The following ANK2 variants were observed in gnomAD, a reference collection of about 807,000 sequenced individuals.
The protein encoded by ANK2 is ankyrin-2.
ANK2 carries 83 observed loss-of-function variants against 360.5 expected under a neutral mutation model. That is an observed-to-expected ratio of 0.23 (90% CI 0.19 to 0.28). The LOEUF (loss-of-function observed/expected upper bound fraction) is 0.28, where lower values mean the gene tolerates loss of function less well. Ranked by LOEUF, ANK2 falls within the 10% of genes least tolerant of loss-of-function variation. ANK2 has a pLI of 1.00. For synonymous variants in ANK2, 1,740 were observed against 1,759.5 expected, an observed-to-expected ratio of 0.99 and a Z score of 0.28; for missense variants, 4,201 against 4,795.7, an observed-to-expected ratio of 0.88 and a Z score of 3.66.
chr4:112,729,395 T>C, the ANK2 span, among the ~76,000 whole-genome samples: 1 of 152,160 alleles, frequency 6.6e-6, no homozygotes, highest in Admixed American at 6.5e-5. Context: ...CCTATGTTCA[T>C]TGCAGCATTA....
rs758890535 is a variant in ANK2, at chr4:113,317,850, G to A, written c.2796+41G>A. 4 of 1,507,422 alleles carry A rather than the reference G, an allele frequency of 2.7e-6. No individual in the cohort carries two copies. The South Asian group carries it at 3.4e-5, about 13-fold the overall frequency. 93.4% of individuals were successfully genotyped at this position (1,507,422 alleles called of 1,614,324 possible). A position where few individuals can be genotyped will look rare whatever the true frequency, so the allele number is the denominator to read the frequency against. Reference sequence around the variant, plus strand: ...CCTTCATGTCTTTGCTTTCTGGAGAGCTTTGTAACATTATTGGATGCTAGA... The same window carrying A: ...CCTTCATGTCTTTGCTTTCTGGAGAACTTTGTAACATTATTGGATGCTAGA... On this transcript the variant is annotated intron_variant, in intron 25 of 45. Coordinates refer to ENST00000357077, the MANE Select transcript of ANK2 (RefSeq NM_001148.6).
Position 113,132,032 on chromosome 4 carries a change from A to G in ANK2, c.85-42384A>G, listed in dbSNP as rs377038689. On this transcript the variant is annotated intron_variant, in intron 1 of 45. Coordinates refer to ENST00000357077, the MANE Select transcript of ANK2 (RefSeq NM_001148.6). Reference sequence around the variant, plus strand: ...CAAGAGTTTGACTGAACAGAGTCATAAAGTCAACTAGGAAAATATTTTTTA... The same window carrying G: ...CAAGAGTTTGACTGAACAGAGTCATGAAGTCAACTAGGAAAATATTTTTTA... Among the ~76,000 whole-genome samples, 38 of 152,322 alleles carry G rather than the reference A, an allele frequency of 2.5e-4. 1 individual carries two copies. In the East Asian group the frequency reaches 4.8e-3, roughly 19 times the overall value.
At chr4:113,217,193 C>T (rs75105665) in intron 4 of ANK2, 200 of 152,276 alleles carry the variant, frequency 1.3e-3, no homozygotes, top group African/African-American at 4.7e-3. Flanking sequence ...AAACAAAAAG[C>T]AAGTTCTCCT....
At chr4:112,998,962 T>C (rs752599040) in intron 2 of ANK2, among the ~76,000 whole-genome samples, 9 of 152,290 alleles carry the variant, frequency 5.9e-5, no homozygotes, top group Admixed American at 2.0e-4. Context: ...AAAATAACTA[T>C]ATAACAAAGT....
At chr4:112,886,473 A>C (rs1179915198) in intron 1 of ANK2, among the ~76,000 whole-genome samples, 1 of 151,586 alleles carries the variant, frequency 6.6e-6, no homozygotes, top group Non-Finnish European at 1.5e-5. Flanking sequence ...GACCAGCCTG[A>C]CCAACATGGT....
chr4:113,328,844 A>G (rs907539450), intron 26 of ANK2, among the ~76,000 whole-genome samples: 1 of 152,242 alleles, frequency 6.6e-6, no homozygotes, highest in Admixed American at 6.5e-5. Flanking sequence ...TCCGCTTTGA[A>G]GAAGATGCTA....
chr4:112,820,456 A>T (rs1578985261), intron 1 of ANK2, among the ~76,000 whole-genome samples: 1 of 152,318 alleles, frequency 6.6e-6, no homozygotes, highest in East Asian at 1.9e-4. Context: ...CAACCTAAGG[A>T]GAGAACATTT....
chr4:113,210,011 C>A (rs7682316), intron 4 of ANK2, among the ~76,000 whole-genome samples: 107,164 of 152,062 alleles, frequency 0.7, 38,158 homozygotes, highest in African/African-American at 0.8. Flanking sequence ...GTTTCTGAGA[C>A]AGAACTCAGA....
intron 1 of ANK2, among the ~76,000 whole-genome samples, chr4:113,095,563 T>G (rs1274742447): frequency 6.6e-6 from 1 of 152,190 alleles, no homozygotes; most frequent in East Asian, 1.9e-4. Flanking sequence ...TTATTCTTTC[T>G]TTCTATTATT....
At chr4:113,324,239 A>C (rs1410927085) in intron 26 of ANK2, among the ~76,000 whole-genome samples, 1 of 152,182 alleles carries the variant, frequency 6.6e-6, no homozygotes, top group Non-Finnish European at 1.5e-5. Flanking sequence ...ACCATATTCT[A>C]GGTGAGGCAA....
intron 1 of ANK2, among the ~76,000 whole-genome samples, chr4:112,855,092 T>C (rs2066011604): frequency 6.6e-6 from 1 of 152,230 alleles, no homozygotes; most frequent in Non-Finnish European, 1.5e-5. Context: ...AATTGCACTG[T>C]TAATAGGAGT....
chr4:112,881,968 G>A (rs1038772689), intron 1 of ANK2: 6 of 614,728 alleles, frequency 9.8e-6, no homozygotes, highest in Admixed American at 6.2e-5. Context: ...AGTGGCATAC[G>A]TGACAAACCC....
chr4:113,312,048 A>G (rs181408634), intron 24 of ANK2, among the ~76,000 whole-genome samples: 22 of 152,328 alleles, frequency 1.4e-4, no homozygotes, highest in Admixed American at 9.8e-4. Context: ...TAACTAGTAC[A>G]ACTGGCACTT....
intron 1 of ANK2, among the ~76,000 whole-genome samples, chr4:112,843,473 T>G (rs1182404278): frequency 6.6e-6 from 1 of 152,200 alleles, no homozygotes; most frequent in Non-Finnish European, 1.5e-5. Flanking sequence ...AGGTGTTCTA[T>G]GTTAAAAAGT....
intron 1 of ANK2, among the ~76,000 whole-genome samples, chr4:113,123,801 C>A (rs149514975): frequency 6.6e-6 from 1 of 152,086 alleles, no homozygotes; most frequent in African/African-American, 2.4e-5. Flanking sequence ...TCCATTCCCC[C>A]ACCAACCCCT....
At chr4:112,717,112 C>T in the ANK2 span, among the ~76,000 whole-genome samples, 21 of 152,176 alleles carry the variant, frequency 1.4e-4, no homozygotes, top group Admixed American at 1.2e-3. Context: ...TTTATCGTAA[C>T]AGTTTTCCTT....
In ANK2 at chr4:113,361,793, C is replaced by T. The variant is rs17045974; in HGVS notation, c.10756+896C>T. On this transcript the variant is annotated intron_variant, in intron 39 of 45. Coordinates refer to ENST00000357077, the MANE Select transcript of ANK2 (RefSeq NM_001148.6). Reference sequence around the variant, plus strand: ...GGGGAGAGAATGATACCAAACTATCCGTGATTGACTTACTAGATAACATTC... The same window carrying T: ...GGGGAGAGAATGATACCAAACTATCTGTGATTGACTTACTAGATAACATTC... 6.1e-3 allele frequency among the ~76,000 whole-genome samples: 923 copies of T among 151,752 alleles called. 14 individuals are homozygous for T. The highest frequency in any genetic ancestry group is 0.021 in the African/African-American group (873 of 41,382).
chr4:113,077,984 C>T (rs978365091), intron 1 of ANK2, among the ~76,000 whole-genome samples: 5 of 62,446 alleles, frequency 8.0e-5, no homozygotes, highest in African/African-American at 2.5e-4. Flanking sequence ...TCATTGAGTG[C>T]CCTTGGGGGG....
intron 5 of ANK2, among the ~76,000 whole-genome samples, chr4:113,233,108 T>A: frequency 6.3e-4 from 3 of 4,768 alleles, no homozygotes; most frequent in African/African-American, 1.5e-3. Flanking sequence ...GCTTTTCTGT[T>A]TTTTTTTTTT....
Sources: gnomAD v4.1 joint callset for allele counts (sites outside exome capture counted in the v4.1 genomes callset) on GRCh38, gnomAD v4.1.1 for gene constraint, MANE v1.5 for transcripts, NCBI Gene and HGNC (gene_info 2026-07-23, HGNC 2026-07-21) for gene names.